Variants in SLC9A1 observed in about 807,000 individuals in gnomAD.
The protein encoded by SLC9A1 is sodium/hydrogen exchanger 1.
A neutral mutation model predicts 67.9 loss-of-function variants in SLC9A1; 22 were observed. That is an observed-to-expected ratio of 0.32 (90% CI 0.23 to 0.46). The LOEUF (loss-of-function observed/expected upper bound fraction) is 0.46. Among genes scored for constraint, SLC9A1 ranks in the 20% least tolerant of loss-of-function variants. SLC9A1 has a pLI of 1.00. For synonymous variants in SLC9A1, 421 were observed against 471.8 expected, an observed-to-expected ratio of 0.89 and a Z score of 1.40; for missense variants, 686 against 1,094.8, an observed-to-expected ratio of 0.63 and a Z score of 5.27.
At chr1:27,116,879 C>T (rs961804448) in intron 1 of SLC9A1, among the ~76,000 whole-genome samples, 7 of 152,158 alleles carry the variant, frequency 4.6e-5, no homozygotes, top group African/African-American at 1.7e-4. Context: ...TTTTGCCTGC[C>T]AATCTTCACC....
intron 1 of SLC9A1, among the ~76,000 whole-genome samples, chr1:27,153,373 A>T (rs185051006): frequency 2.6e-5 from 4 of 152,294 alleles, no homozygotes; most frequent in East Asian, 1.9e-4. Context: ...AAATTGACTC[A>T]GGGGCTCCTA....
rs547206530 is a variant in SLC9A1 at position 27,122,022 on chromosome 1, A to AT, written c.353-7737dup. Among the ~76,000 whole-genome samples, 3 of 152,296 alleles carry AT rather than the reference A, an allele frequency of 2.0e-5. No individual in the cohort carries two copies. The East Asian group carries it at 5.8e-4, about 29-fold the overall frequency. On this transcript the variant is annotated intron_variant, in intron 1 of 11. Coordinates refer to ENST00000263980, the MANE Select transcript of SLC9A1 (RefSeq NM_003047.5). ...TCCTAGCTACTCAGGAGAGTGAGGC[A>AT]TAAGAATTGCTTGAACCTGCAGGCG...
Position 27,113,949 on chromosome 1 carries a change from G to A in SLC9A1, c.690C>T (p.Phe230=), listed in dbSNP as rs968322597. 22 of 1,614,092 alleles carry A rather than the reference G, an allele frequency of 1.4e-5. No individual in the cohort carries two copies. Among genetic ancestry groups the A allele is most frequent in the African/African-American group, 5.3e-5 (4 of 74,954 alleles). Residue 230 remains phenylalanine, a synonymous_variant, in exon 2 of 12, where the codon TTC becomes TTT. Transcript: ENST00000263980. Reference sequence around the variant, plus strand: ...GGTCCACGGCCGAGATGATGCTGCCGAAGAGCAGGTTGTCCAGGAGGCCGA... The same window carrying A: ...GGTCCACGGCCGAGATGATGCTGCCAAAGAGCAGGTTGTCCAGGAGGCCGA... ...NNIGLLDNLL[F]GSIISAVDPV...
intron 8 of SLC9A1, 49 bp from the exon 9 acceptor site, chr1:27,102,179 G>A (rs374675528): frequency 1.3e-5 from 20 of 1,515,270 alleles, no homozygotes; most frequent in African/African-American, 5.5e-5. Flanking sequence ...TGGGATCCTG[G>A]TGCCTCCCAG....
chr1:27,104,305 C>T (rs889836304), intron 5 of SLC9A1, among the ~76,000 whole-genome samples: 1 of 152,186 alleles, frequency 6.6e-6, no homozygotes, highest in Non-Finnish European at 1.5e-5. Context: ...TGGTCTGGAA[C>T]TCCTGACCTC....
At chr1:27,149,721 G>A (rs1026565406) in intron 1 of SLC9A1, among the ~76,000 whole-genome samples, 18 of 152,352 alleles carry the variant, frequency 1.2e-4, no homozygotes, top group African/African-American at 4.3e-4. Flanking sequence ...CAGGTTCAGA[G>A]AATGAGGTGC....
Position 27,131,063 on chromosome 1 carries a change from C to A in SLC9A1, c.353-16777G>T, listed in dbSNP as rs575841892. Among the ~76,000 whole-genome samples the A allele has an allele frequency of 4.0e-4, 61 of 152,326 alleles. 1 individual carries two copies. Among genetic ancestry groups the A allele is most frequent in the Admixed American group, 2.2e-3 (33 of 15,300 alleles). Reference sequence around the variant, plus strand: ...GCTGGCTGCTGAGACTGGGCAGGGCCCATCGTGTGATCCCACACATGGCAC... The same window carrying A: ...GCTGGCTGCTGAGACTGGGCAGGGCACATCGTGTGATCCCACACATGGCAC... On this transcript the variant is annotated intron_variant, in intron 1 of 11. Transcript: ENST00000263980.
chr1:27,104,347 G>T (rs1379504029), intron 5 of SLC9A1, among the ~76,000 whole-genome samples: 1 of 147,622 alleles, frequency 6.8e-6, no homozygotes, highest in East Asian at 2.0e-4. Flanking sequence ...CTCCCAAAGT[G>T]CTGGGATTAC....
chr1:27,146,282 A>G (rs2083484916), intron 1 of SLC9A1, among the ~76,000 whole-genome samples: 1 of 152,168 alleles, frequency 6.6e-6, no homozygotes, highest in Non-Finnish European at 1.5e-5. Context: ...TCAGGCCCCC[A>G]GCTCTAGTTC....
intron 1 of SLC9A1, among the ~76,000 whole-genome samples, chr1:27,115,615 C>T (rs1330450064): frequency 6.6e-6 from 1 of 151,794 alleles, no homozygotes; most frequent in African/African-American, 2.4e-5. Flanking sequence ...TAATTTGACA[C>T]CAGCTTGTAC....
At position 27,099,153 on chromosome 1, in the gene SLC9A1, C is replaced by A. The variant is rs201604579; in HGVS notation, c.*1154G>T. The A allele has an allele frequency of 4.6e-5, 7 of 152,846 alleles. No individual in the cohort carries two copies. The highest frequency in any genetic ancestry group is 1.7e-4 in the African/African-American group (7 of 41,590). 9.5% of individuals were successfully genotyped at this position (152,846 alleles called of 1,614,324 possible). A position where few individuals can be genotyped will look rare whatever the true frequency, so the allele number is the denominator to read the frequency against. Reference sequence around the variant, plus strand: ...GGGGACAGGGGATCCTCAGGGGAGGCCTTCTCCCCCCCACCGCCTCCACAA... The same window carrying A: ...GGGGACAGGGGATCCTCAGGGGAGGACTTCTCCCCCCCACCGCCTCCACAA... On this transcript the variant is annotated 3_prime_UTR_variant, in exon 12 of 12. Transcript: ENST00000263980.
rs771940570 is a variant in SLC9A1 at position 27,101,304 on chromosome 1, C to T, written c.2038-29G>A. 2.5e-6 allele frequency: 4 copies of T among 1,593,454 alleles called. No individual in the cohort carries two copies. In the South Asian group the frequency reaches 3.3e-5, roughly 13 times the overall value. On this transcript the variant is annotated intron_variant, in intron 10 of 11. Coordinates refer to ENST00000263980, the MANE Select transcript of SLC9A1 (RefSeq NM_003047.5). This position sits in a 1 kb window ranked among gnomAD's most constrained non-coding sequence, Gnocchi z 4.9. ...ACAGAGAGGACAGACGGGGTGAGCA[C>T]AGGCAGCTGGGCAGAGGGAGCCCCT...
intron 1 of SLC9A1, among the ~76,000 whole-genome samples, chr1:27,146,915 C>T (rs530869928): frequency 5.3e-5 from 8 of 152,276 alleles, no homozygotes; most frequent in African/African-American, 1.4e-4. Context: ...ACGGGCAGAT[C>T]GCCTGAGGTC....
At chr1:27,107,231 A>AC (rs1491545950) in intron 4 of SLC9A1, among the ~76,000 whole-genome samples, 1 of 604 alleles carries the variant, frequency 1.7e-3, no homozygotes. Flanking sequence ...ACACACACCC[A>AC]ACCCCTACAC....
Position 27,106,916 on chromosome 1 carries a change from C to G in SLC9A1, c.1282+732G>C, listed in dbSNP as rs1404172862. Among the ~76,000 whole-genome samples, 1 of 151,912 alleles carries G rather than the reference C, an allele frequency of 6.6e-6. No individual in the cohort carries two copies. The highest frequency in any genetic ancestry group is 2.4e-5 in the African/African-American group (1 of 41,312). On this transcript the variant is annotated intron_variant, in intron 4 of 11. Coordinates refer to ENST00000263980, the MANE Select transcript of SLC9A1 (RefSeq NM_003047.5). The surrounding 1 kb of genome is among the most constrained non-coding windows in gnomAD (Gnocchi z 4.3). ...CAGGCTCAGAGTCTCAGGGCCCCCT[C>G]ACTTTGACACAGCCTGACTCTGTCC...
intron 1 of SLC9A1, among the ~76,000 whole-genome samples, chr1:27,126,973 GT>G (rs1557748243): frequency 6.6e-6 from 1 of 152,128 alleles, no homozygotes; most frequent in African/African-American, 2.4e-5. Context: ...GGAAACGAGT[GT>G]GGTACAGGTA....
intron 1 of SLC9A1, among the ~76,000 whole-genome samples, chr1:27,151,361 T>TA (rs1475614793): frequency 1.3e-5 from 2 of 151,958 alleles, no homozygotes; most frequent in Admixed American, 6.6e-5. Context: ...TTTTATTTTT[T>TA]TTTATTTATT....
chr1:27,105,139 C>G (rs896902050), intron 5 of SLC9A1, among the ~76,000 whole-genome samples: 1 of 152,212 alleles, frequency 6.6e-6, no homozygotes, highest in Non-Finnish European at 1.5e-5. Flanking sequence ...CCTCCTGCTG[C>G]CTGGCTCATA....
At position 27,155,105 on chromosome 1, in the gene SLC9A1, CG is replaced by C. The variant is rs1456759866; in HGVS notation, c.-772del. 6.6e-6 allele frequency among the ~76,000 whole-genome samples: 1 copy of C among 152,044 alleles called. No individual in the cohort carries two copies. Among genetic ancestry groups the C allele is most frequent in the Non-Finnish European group, 1.5e-5 (1 of 67,994 alleles). On this transcript the variant is annotated 5_prime_UTR_variant, in exon 1 of 12. Transcript: ENST00000263980. This position sits in a 1 kb window ranked among gnomAD's most constrained non-coding sequence, Gnocchi z 4.5. ...CCAGCTCCAGAACTAACCCTAGCCC[CG>C]GCCCCGGCGGCAGCAGACTGAAGCC...
Sources: allele counts gnomAD v4.1 joint callset (sites outside exome capture counted in the v4.1 genomes callset), GRCh38; gene constraint gnomAD v4.1.1; non-coding constraint Gnocchi (gnomAD v3.1); transcripts MANE v1.5; gene names NCBI Gene and HGNC (gene_info 2026-07-23, HGNC 2026-07-21).